Variants in TNRC6A observed in about 807,000 individuals in gnomAD.
The protein encoded by TNRC6A is trinucleotide repeat-containing gene 6A protein.
In TNRC6A, 44 loss-of-function variants were observed where a neutral mutation model predicts 221.2. That is an observed-to-expected ratio of 0.20 (90% CI 0.16 to 0.26). The LOEUF (loss-of-function observed/expected upper bound fraction) is 0.26. Ranked by LOEUF, TNRC6A falls within the 10% of genes least tolerant of loss-of-function variation. The pLI, the probability that TNRC6A is intolerant of heterozygous loss-of-function variation, is 1.00. For synonymous variants in TNRC6A, 847 were observed against 838.5 expected (o/e 1.01, Z -0.18); for missense variants, 2,199 against 2,404.4 (o/e 0.91, Z 1.79).
intron 2 of TNRC6A, among the ~76,000 whole-genome samples, chr16:24,683,617 C>A (rs779922065): frequency 1.3e-5 from 2 of 152,196 alleles, no homozygotes; most frequent in Non-Finnish European, 2.9e-5. Flanking sequence ...TGGTAGAGTG[C>A]CGTGCTAACA....
intron 1 of TNRC6A, among the ~76,000 whole-genome samples, chr16:24,637,212 T>C (rs1257376137): frequency 3.3e-5 from 5 of 152,078 alleles, no homozygotes; most frequent in Admixed American, 3.3e-4. Context: ...TTAAAATTTT[T>C]TGTAGAGATG....
chr16:24,728,428 C>T (rs1212629469), upstream of TNRC6A, among the ~76,000 whole-genome samples: 1 of 150,538 alleles, frequency 6.6e-6, no homozygotes, highest in African/African-American at 2.5e-5. Flanking sequence ...GCCTGGGAGA[C>T]AGAGCGAGAC....
At chr16:24,669,241 A>T (rs1448980302) in intron 2 of TNRC6A, among the ~76,000 whole-genome samples, 1 of 152,108 alleles carries the variant, frequency 6.6e-6, no homozygotes, top group Non-Finnish European at 1.5e-5. Flanking sequence ...ATTCACACTT[A>T]TAATCCCAGC....
At chr16:24,722,410 A>G (rs112735036) in intron 2 of TNRC6A, among the ~76,000 whole-genome samples, 1,371 of 127,554 alleles carry the variant, frequency 0.011, 23 homozygotes, top group African/African-American at 0.036. Context: ...CAAGACCCCA[A>G]CTATTTATTT....
At chr16:24,699,573 G>T (rs2055928028) in intron 2 of TNRC6A, among the ~76,000 whole-genome samples, 2 of 152,034 alleles carry the variant, frequency 1.3e-5, no homozygotes, top group Non-Finnish European at 1.5e-5. Context: ...TTTAAAATGA[G>T]CTGGGCATGG....
Position 24,749,416 on chromosome 16 carries a change from T to C in TNRC6A, c.54-1310T>C, listed in dbSNP as rs181066391. 2.6e-5 allele frequency among the ~76,000 whole-genome samples: 4 copies of C among 152,312 alleles called. No homozygotes were observed. The East Asian group carries it at 7.7e-4, about 29-fold the overall frequency. The stretch of plus-strand genomic sequence containing the variant: ...ACTCCTGTGGAAGGTTTTGTTTCTT[T>C]AGAGAGTATTTCTTTGGCTTGAGGC... On this transcript the variant is annotated intron_variant, in intron 2 of 24. Coordinates refer to ENST00000395799, the MANE Select transcript of TNRC6A (RefSeq NM_014494.4).
chr16:24,624,467 CGTTTGTTT>C (rs3042537), intron 1 of TNRC6A, among the ~76,000 whole-genome samples: 5 of 151,150 alleles, frequency 3.3e-5, no homozygotes, highest in Admixed American at 6.6e-5. Context: ...TGCTAAGGAC[CGTTTGTTT>C]GTTTGTTTGT....
intron 16 of TNRC6A, 125 bp from the exon 17 acceptor site, chr16:24,806,449 A>AT: frequency 7.3e-7 from 1 of 1,367,158 alleles, no homozygotes; most frequent in Non-Finnish European, 1.0e-6. Flanking sequence ...TTATGTGAAC[A>AT]TTATACAGTG....
chr16:24,612,482 C>T (rs1284832132), intron 1 of TNRC6A, among the ~76,000 whole-genome samples: 1 of 151,680 alleles, frequency 6.6e-6, no homozygotes, highest in Non-Finnish European at 1.5e-5. Flanking sequence ...CGCAGTGGCT[C>T]ATATCTGTAA....
chr16:24,696,235 C>G (rs1443855330), intron 2 of TNRC6A, among the ~76,000 whole-genome samples: 1 of 151,670 alleles, frequency 6.6e-6, no homozygotes, highest in African/African-American at 2.4e-5. Flanking sequence ...GTAGTCCCAG[C>G]TACTCGGGAG....
At chr16:24,734,029 G>A (rs1259907069) in intron 2 of TNRC6A, among the ~76,000 whole-genome samples, 1 of 152,146 alleles carries the variant, frequency 6.6e-6, no homozygotes, top group Non-Finnish European at 1.5e-5. Flanking sequence ...TAAAAAATTA[G>A]CTGGGTGTGG....
intron 2 of TNRC6A, among the ~76,000 whole-genome samples, chr16:24,722,866 C>A (rs1478546730): frequency 6.6e-6 from 1 of 152,134 alleles, no homozygotes; most frequent in African/African-American, 2.4e-5. Context: ...ACAAAGAAAG[C>A]AGATTAGAGA....
At chr16:24,752,904 C>T (rs578023774) in intron 3 of TNRC6A, among the ~76,000 whole-genome samples, 132 of 152,022 alleles carry the variant, frequency 8.7e-4, no homozygotes, top group Middle Eastern at 3.4e-3. Flanking sequence ...AATATATAAG[C>T]GTATTTGTTT....
chr16:24,703,401 T>C (rs1351958731), intron 2 of TNRC6A, among the ~76,000 whole-genome samples: 2 of 152,194 alleles, frequency 1.3e-5, no homozygotes, highest in Non-Finnish European at 2.9e-5. Context: ...TGCCAAATAT[T>C]AGTCCATTGA....
chr16:24,786,762 A>G (rs1442174295), intron 5 of TNRC6A, among the ~76,000 whole-genome samples: 1 of 150,892 alleles, frequency 6.6e-6, no homozygotes, highest in African/African-American at 2.4e-5. Flanking sequence ...GCTCACGGCA[A>G]CAGCCTCTGC....
intron 2 of TNRC6A, among the ~76,000 whole-genome samples, chr16:24,650,645 A>G (rs1902590163): frequency 6.6e-6 from 1 of 151,806 alleles, no homozygotes; most frequent in African/African-American, 2.4e-5. Context: ...AGCCTGGGCG[A>G]TAGAGTGAGA....
chr16:24,746,723 A>G (rs1353778428), intron 2 of TNRC6A, among the ~76,000 whole-genome samples: 1 of 152,214 alleles, frequency 6.6e-6, no homozygotes, highest in Non-Finnish European at 1.5e-5. Context: ...TAGTCCATAC[A>G]TACTTCTGAT....
At chr16:24,674,725 C>G (rs938600864) in intron 2 of TNRC6A, among the ~76,000 whole-genome samples, 22 of 151,880 alleles carry the variant, frequency 1.4e-4, no homozygotes, top group African/African-American at 5.3e-4. Context: ...CACACACACA[C>G]ACACACACAC....
chr16:24,738,827 A>G (rs2056829226), intron 2 of TNRC6A, among the ~76,000 whole-genome samples: 1 of 152,180 alleles, frequency 6.6e-6, no homozygotes, highest in Admixed American at 6.5e-5. Flanking sequence ...GCTGGGTTAT[A>G]TGGTAACTTT....
Sources: allele counts gnomAD v4.1 joint callset (sites outside exome capture counted in the v4.1 genomes callset), GRCh38; gene constraint gnomAD v4.1.1; transcripts MANE v1.5; gene names NCBI Gene and HGNC (gene_info 2026-07-23, HGNC 2026-07-21).